Variants in THEMIS observed in about 807,000 individuals in gnomAD.
THEMIS encodes the protein thymocyte selection associated, also known as protein THEMIS.
THEMIS carries 37 observed loss-of-function variants against 52.6 expected under a neutral mutation model. That is an observed-to-expected ratio of 0.70 (90% confidence interval 0.54 to 0.93). The LOEUF is 0.93. Among genes scored for constraint, THEMIS ranks in the 40% least tolerant of loss-of-function variants. THEMIS has a pLI of 0.00. For synonymous variants in THEMIS, 292 were observed against 272.7 expected (o/e 1.07, Z -0.70); for missense variants, 808 against 763.1 (o/e 1.06, Z -0.69).
chr6:127,766,930 G>A (rs1401759775), intron 4 of THEMIS, among the ~76,000 whole-genome samples: 1 of 151,932 alleles, frequency 6.6e-6, no homozygotes, highest in Non-Finnish European at 1.5e-5. Context: ...GTAAACTTTG[G>A]CTACATTCAG....
At chr6:127,742,324 A>C (rs1158899864) in intron 4 of THEMIS, among the ~76,000 whole-genome samples, 3 of 148,532 alleles carry the variant, frequency 2.0e-5, no homozygotes, top group African/African-American at 5.1e-5. Context: ...AAAAAAAAAA[A>C]AAAACAAACA....
chr6:127,784,962 T>C (rs997045389), intron 4 of THEMIS, among the ~76,000 whole-genome samples: 1 of 78,322 alleles, frequency 1.3e-5, no homozygotes, highest in Non-Finnish European at 3.8e-5. Flanking sequence ...TATCTATCTA[T>C]CTATCTATCT....
At chr6:127,801,202 C>A (rs1369897719) in intron 4 of THEMIS, among the ~76,000 whole-genome samples, 2 of 152,100 alleles carry the variant, frequency 1.3e-5, no homozygotes, top group Admixed American at 6.5e-5. Context: ...TGTGGAGAAC[C>A]AAGGAACCTT....
At chr6:127,878,231 A>T (rs964847109) in intron 1 of THEMIS, among the ~76,000 whole-genome samples, 11 of 152,184 alleles carry the variant, frequency 7.2e-5, no homozygotes, top group Non-Finnish European at 8.8e-5. Flanking sequence ...TGTGAACCCA[A>T]CATGGGCCCT....
intron 1 of THEMIS, among the ~76,000 whole-genome samples, chr6:127,870,850 T>C (rs1402613568): frequency 1.3e-5 from 2 of 152,166 alleles, no homozygotes; most frequent in Non-Finnish European, 2.9e-5. Context: ...AAGCAGAAAC[T>C]GCTCTAACTA....
chr6:127,776,075 C>T (rs967190098), intron 4 of THEMIS, among the ~76,000 whole-genome samples: 7 of 152,100 alleles, frequency 4.6e-5, no homozygotes, highest in South Asian at 2.1e-4. Context: ...TGCCAAATAA[C>T]GGGGGACTTT....
At chr6:127,867,061 T>G (rs1269216346) in intron 1 of THEMIS, among the ~76,000 whole-genome samples, 1 of 151,856 alleles carries the variant, frequency 6.6e-6, no homozygotes, top group Non-Finnish European at 1.5e-5. Flanking sequence ...TACTCTTTTC[T>G]AAAGACTGTT....
chr6:127,699,629 G>T, the THEMIS span, among the ~76,000 whole-genome samples: 1 of 151,564 alleles, frequency 6.6e-6, no homozygotes, highest in Non-Finnish European at 1.5e-5. Context: ...AAACCGAACT[G>T]TACATGATTA....
At chr6:127,908,291 A>G (rs1781327278) in intron 1 of THEMIS, among the ~76,000 whole-genome samples, 1 of 152,132 alleles carries the variant, frequency 6.6e-6, no homozygotes, top group South Asian at 2.1e-4. Context: ...ATTTTAGCTG[A>G]CCATGCCCAC....
At chr6:127,872,878 C>A (rs1021526844) in intron 1 of THEMIS, among the ~76,000 whole-genome samples, 1 of 152,020 alleles carries the variant, frequency 6.6e-6, no homozygotes, top group Non-Finnish European at 1.5e-5. Context: ...TAATTATCTA[C>A]ACAGAAAATC....
chr6:127,862,577 G>A (rs796609706), intron 1 of THEMIS, among the ~76,000 whole-genome samples: 11 of 151,158 alleles, frequency 7.3e-5, no homozygotes, highest in African/African-American at 1.7e-4. Context: ...TCACCACCAC[G>A]CCCAGATAAT....
chr6:127,744,595 A>G (rs991618708), intron 4 of THEMIS, among the ~76,000 whole-genome samples: 7 of 152,084 alleles, frequency 4.6e-5, no homozygotes, highest in African/African-American at 1.7e-4. Context: ...CAAATACTGC[A>G]TGATTCCACT....
chr6:127,819,207 C>T (rs1234983346), intron 3 of THEMIS, among the ~76,000 whole-genome samples: 2 of 146,862 alleles, frequency 1.4e-5, no homozygotes, highest in African/African-American at 5.0e-5. Context: ...TCTCATTACA[C>T]TGGGCACTGC....
At chr6:127,878,335 G>A (rs1780376652) in intron 1 of THEMIS, among the ~76,000 whole-genome samples, 2 of 152,086 alleles carry the variant, frequency 1.3e-5, no homozygotes, top group South Asian at 2.1e-4. Flanking sequence ...CTGAAACACA[G>A]TTGCAGAAGT....
At chr6:127,911,058 G>GT (rs1781400293) in intron 1 of THEMIS, among the ~76,000 whole-genome samples, 8 of 147,404 alleles carry the variant, frequency 5.4e-5, no homozygotes, top group African/African-American at 2.2e-4. Flanking sequence ...ATGGGTTTGG[G>GT]GAGGAAGACC....
At chr6:127,854,317 G>A (rs1779527335) in intron 2 of THEMIS, among the ~76,000 whole-genome samples, 1 of 151,788 alleles carries the variant, frequency 6.6e-6, no homozygotes, top group Non-Finnish European at 1.5e-5. Flanking sequence ...AAATAGGTGT[G>A]ACAGAGACCC....
chr6:127,875,363 G>A (rs1344227610), intron 1 of THEMIS, among the ~76,000 whole-genome samples: 3 of 152,336 alleles, frequency 2.0e-5, no homozygotes, highest in Non-Finnish European at 4.4e-5. Flanking sequence ...TGCATACAAG[G>A]TGAAGTAGTA....
rs185465319 is a variant in THEMIS, at chr6:127,836,239, T to A, written c.251-6305A>T. On this transcript the variant is annotated intron_variant, in intron 2 of 5. Transcript: ENST00000368248. ...TGATTGTGTTGTTCAGTATTGATGT[T>A]GCCTGCAAATTAAATGTACCTAAGT... 5.0e-4 allele frequency among the ~76,000 whole-genome samples: 76 copies of A among 152,276 alleles called. 1 individual carries two copies. The highest frequency in any genetic ancestry group is 1.7e-3 in the African/African-American group (72 of 41,560).
At chr6:127,873,241 C>A (rs1780209784) in intron 1 of THEMIS, among the ~76,000 whole-genome samples, 1 of 152,116 alleles carries the variant, frequency 6.6e-6, no homozygotes. Context: ...CAGGTCAATG[C>A]AATTCTTATC....
Sources: gnomAD v4.1 joint callset for allele counts (sites outside exome capture counted in the v4.1 genomes callset) on GRCh38, gnomAD v4.1.1 for gene constraint, MANE v1.5 for transcripts, NCBI Gene and HGNC (gene_info 2026-07-23, HGNC 2026-07-21) for gene names.